ABCC9: variants seen among roughly 807,000 people sequenced by gnomAD.
ABCC9 encodes the protein ATP-binding cassette sub-family C member 9.
A neutral mutation model predicts 188.3 loss-of-function variants in ABCC9; 95 were observed. The ratio of observed to expected loss-of-function variants is 0.50; its 90% CI spans 0.43 to 0.60. The LOEUF is 0.60. Ranked by LOEUF, ABCC9 falls within the 20% of genes least tolerant of loss-of-function variation. The probability of loss-of-function intolerance (pLI) is 0.00; values close to 1 mark genes in which losing one functional copy is unlikely to be tolerated. For missense variants in ABCC9, 1,102 were observed against 1,876.3 expected (o/e 0.59, Z 7.62); for synonymous variants, 659 against 652.7 (o/e 1.01, Z -0.15).
intron 30 of ABCC9, among the ~76,000 whole-genome samples, chr12:21,836,339 A>G (rs540422765): frequency 2.6e-5 from 4 of 152,264 alleles, no homozygotes; most frequent in Admixed American, 1.3e-4. Context: ...ACTGGCCTCT[A>G]CTATGGTTTC....
rs192888616 is a variant in ABCC9, at chr12:21,799,827, G to C, written c.*1217C>G. ...AGAATAGTAGAAACTGGTTGCTAAC[G>C]TGACAAAGAAGGTGACTTTTAGTAT... is the stretch of plus-strand genomic sequence containing the variant. On this transcript the variant is annotated 3_prime_UTR_variant, in exon 40 of 40. Coordinates refer to ENST00000261200, the MANE Select transcript of ABCC9 (RefSeq NM_020297.4). 2 of 152,154 alleles carry C rather than the reference G, an allele frequency of 1.3e-5. No individual in the cohort carries two copies. Among genetic ancestry groups the C allele is most frequent in the Admixed American group, 6.5e-5 (1 of 15,272 alleles). The allele number at this position is 152,154 out of a possible 1,614,324, so 9.4% of individuals were successfully genotyped here.
chr12:21,902,191 A>G (rs1175701423), intron 12 of ABCC9, among the ~76,000 whole-genome samples: 1 of 152,248 alleles, frequency 6.6e-6, no homozygotes, highest in African/African-American at 2.4e-5. Flanking sequence ...CTGCTCCTGA[A>G]TGACCACTGG....
intron 13 of ABCC9, 112 bp from the exon 14 acceptor site, chr12:21,894,286 A>G (rs1947301420): frequency 3.3e-6 from 4 of 1,223,344 alleles, no homozygotes; most frequent in Non-Finnish European, 4.8e-6. Context: ...CATTGTAACT[A>G]TGATAACAAT....
At chr12:21,917,621 C>A (rs144480422) in intron 5 of ABCC9, among the ~76,000 whole-genome samples, 2 of 152,180 alleles carry the variant, frequency 1.3e-5, no homozygotes, top group Admixed American at 6.6e-5. Flanking sequence ...AAGTGACTTT[C>A]CTTAGTCAAA....
At chr12:21,937,879 A>C (rs1190300254) in intron 2 of ABCC9, 2 of 152,174 alleles carry the variant, frequency 1.3e-5, no homozygotes, top group East Asian at 3.9e-4. Context: ...TTTTTAAAGA[A>C]GCTATCGTAT....
intron 10 of ABCC9, among the ~76,000 whole-genome samples, chr12:21,908,577 C>T (rs1419127963): frequency 6.6e-6 from 1 of 151,852 alleles, no homozygotes; most frequent in Non-Finnish European, 1.5e-5. Context: ...TTCTTGAAAA[C>T]GCTGTCACCC....
At chr12:21,817,823 T>C (rs1298532512) in intron 32 of ABCC9, among the ~76,000 whole-genome samples, 1 of 152,112 alleles carries the variant, frequency 6.6e-6, no homozygotes, top group African/African-American at 2.4e-5. Context: ...TCCTCTAACG[T>C]CCATGAATAA....
intron 39 of ABCC9, among the ~76,000 whole-genome samples, chr12:21,804,689 A>G (rs1941717981): frequency 6.6e-6 from 1 of 152,212 alleles, no homozygotes; most frequent in Non-Finnish European, 1.5e-5. Flanking sequence ...ATTTCCTGCC[A>G]TCTTGAAAAA....
At chr12:21,898,998 TCATAAGCTCCCAAGGAGA>T (rs1164732324) in intron 12 of ABCC9, among the ~76,000 whole-genome samples, 4 of 152,154 alleles carry the variant, frequency 2.6e-5, no homozygotes, top group African/African-American at 9.7e-5. Context: ...AAATATCACA[TCATAAGCTCCCAAGGAGA>T]CAAGTTAAAA....
At chr12:21,905,240 C>T (rs147593582) in intron 12 of ABCC9, among the ~76,000 whole-genome samples, 1,705 of 151,480 alleles carry the variant, frequency 0.011, 107 homozygotes, top group Admixed American at 0.1. Flanking sequence ...TTGGACCCCT[C>T]ACATCACACA....
chr12:21,910,659 TATTA>T (rs1237840718), intron 9 of ABCC9, among the ~76,000 whole-genome samples, 163 bp downstream of exon 9: 8 of 152,000 alleles, frequency 5.3e-5, no homozygotes, highest in African/African-American at 1.9e-4. Context: ...TCAATAGGTT[TATTA>T]ATTAGCTCTG....
chr12:21,805,177 C>T (rs1941745611), intron 39 of ABCC9: 1 of 1,613,852 alleles, frequency 6.2e-7, no homozygotes, highest in Non-Finnish European at 8.5e-7. Flanking sequence ...TGATGGTCTA[C>T]TTGTTGGTCA....
chr12:21,915,424 ATG>A (rs1213104037), intron 7 of ABCC9, among the ~76,000 whole-genome samples: 5 of 132,950 alleles, frequency 3.8e-5, no homozygotes, highest in African/African-American at 5.6e-5. Context: ...ACGTGTATAT[ATG>A]TGTGTATATA....
chr12:21,833,823 ATCT>A (rs1943914478), intron 30 of ABCC9, among the ~76,000 whole-genome samples: 2 of 152,232 alleles, frequency 1.3e-5, no homozygotes, highest in African/African-American at 2.4e-5. Context: ...TGCTGTAATA[ATCT>A]TCTCCGTTAA....
At chr12:21,824,680 G>C (rs1943259248) in intron 31 of ABCC9, among the ~76,000 whole-genome samples, 1 of 152,094 alleles carries the variant, frequency 6.6e-6, no homozygotes, top group Non-Finnish European at 1.5e-5. Flanking sequence ...CTTGTTATTG[G>C]TCTATTCAGG....
At chr12:21,910,439 G>A in intron 9 of ABCC9, 127 bp from the exon 10 acceptor site, 1 of 951,326 alleles carries the variant, frequency 1.1e-6, no homozygotes, top group African/African-American at 1.7e-5. Flanking sequence ...AATTCTATAG[G>A]ATCATCTTCT....
intron 12 of ABCC9, among the ~76,000 whole-genome samples, chr12:21,898,102 G>A (rs1003494471): frequency 6.6e-6 from 1 of 152,166 alleles, no homozygotes; most frequent in African/African-American, 2.4e-5. Context: ...AGGCTGCAGT[G>A]AGCTATGTTT....
At chr12:21,871,177 G>T (rs1946053560) in intron 18 of ABCC9, among the ~76,000 whole-genome samples, 1 of 152,132 alleles carries the variant, frequency 6.6e-6, no homozygotes, top group Non-Finnish European at 1.5e-5. Flanking sequence ...AATCCAGTGG[G>T]ATCTACTTCT....
chr12:21,938,973 A>G (rs937151882), intron 2 of ABCC9, among the ~76,000 whole-genome samples: 1 of 152,216 alleles, frequency 6.6e-6, no homozygotes, highest in Non-Finnish European at 1.5e-5. Flanking sequence ...GATGCTAACT[A>G]CGTGCTAGTT....
Sources: gnomAD v4.1 joint callset for allele counts (sites outside exome capture counted in the v4.1 genomes callset) on GRCh38, gnomAD v4.1.1 for gene constraint, MANE v1.5 for transcripts, NCBI Gene and HGNC (gene_info 2026-07-23, HGNC 2026-07-21) for gene names.